The following ADGRA3 variants were observed in gnomAD, a reference collection of about 807,000 sequenced individuals.
The protein encoded by ADGRA3 is G-protein coupled receptor 125.
In ADGRA3, 56 loss-of-function variants were observed where a neutral mutation model predicts 119.8. The ratio of observed to expected loss-of-function variants is 0.47; its 90% CI spans 0.38 to 0.58. The LOEUF is 0.58. Among genes scored for constraint, ADGRA3 ranks in the 20% least tolerant of loss-of-function variants. ADGRA3 has a pLI of 0.00. For synonymous variants in ADGRA3, 607 were observed against 623.8 expected (o/e 0.97, Z 0.40); for missense variants, 1,516 against 1,649.0 (o/e 0.92, Z 1.40).
Position 22,392,708 on chromosome 4 carries a change from GAATA to G in ADGRA3, c.2482-22_2482-19del, listed in dbSNP as rs1225987708. Reference sequence around the variant, plus strand: ...ATCCCAACCTACAAGGAAGATCAAAGAATAAATAAAAGAAAAAAAATGTTCCTAC... The same window carrying G: ...ATCCCAACCTACAAGGAAGATCAAAGAATAAAAGAAAAAAAATGTTCCTAC... On this transcript the variant is annotated intron_variant, in intron 16 of 18. Transcript: ENST00000334304. 1 of 1,584,592 alleles carries G rather than the reference GAATA, an allele frequency of 6.3e-7. No homozygotes were observed. Among genetic ancestry groups the G allele is most frequent in the East Asian group, 2.3e-5 (1 of 44,302 alleles).
chr4:22,484,816 G>A (rs1342989644), intron 1 of ADGRA3, among the ~76,000 whole-genome samples: 1 of 151,938 alleles, frequency 6.6e-6, no homozygotes, highest in Non-Finnish European at 1.5e-5. Flanking sequence ...AAAGTTGTTT[G>A]GAAATAAGCA....
chr4:22,511,380 C>G (rs1719440848), intron 1 of ADGRA3, among the ~76,000 whole-genome samples: 1 of 152,056 alleles, frequency 6.6e-6, no homozygotes, highest in African/African-American at 2.4e-5. Context: ...AAAAGTCTAC[C>G]TGAGACACGG....
At chr4:22,471,918 G>A (rs1445419328) in intron 2 of ADGRA3, among the ~76,000 whole-genome samples, 1 of 152,026 alleles carries the variant, frequency 6.6e-6, no homozygotes, top group African/African-American at 2.4e-5. Flanking sequence ...GCTTTAAATG[G>A]CTGAAAATAA....
chr4:22,420,428 T>C (rs1715608485), intron 12 of ADGRA3: 1 of 165,600 alleles, frequency 6.0e-6, no homozygotes, highest in African/African-American at 2.4e-5. Context: ...AATTTTGATA[T>C]ACAGCTTGCT....
chr4:22,486,124 A>G (rs1718424607), intron 1 of ADGRA3, among the ~76,000 whole-genome samples: 2 of 152,084 alleles, frequency 1.3e-5, no homozygotes, highest in Non-Finnish European at 1.5e-5. Flanking sequence ...TTATTCCACA[A>G]CGTCCTCAAT....
intron 1 of ADGRA3, among the ~76,000 whole-genome samples, chr4:22,497,444 G>C (rs1412471502): frequency 6.6e-6 from 1 of 152,130 alleles, no homozygotes; most frequent in Non-Finnish European, 1.5e-5. Context: ...GTCTACTCAC[G>C]GAGTTGGGGT....
At position 22,461,883 on chromosome 4, in the gene ADGRA3, T is replaced by C. The variant is rs931068556; in HGVS notation, c.330-75A>G. 43 of 899,974 alleles carry C rather than the reference T, an allele frequency of 4.8e-5. No homozygotes were observed. In the African/African-American group the frequency reaches 6.3e-4, roughly 13 times the overall value. The allele number at this position is 899,974 out of a possible 1,614,324, so 55.7% of individuals were successfully genotyped here. A position where few individuals can be genotyped will look rare whatever the true frequency, so the allele number is the denominator to read the frequency against. ...ATTCAGGCACAATACACTTACCTGCTATACAAAAAAAACAAAAGTATAATA... is the reference window on the plus strand; with the variant it reads ...ATTCAGGCACAATACACTTACCTGCCATACAAAAAAAACAAAAGTATAATA... On this transcript the variant is annotated intron_variant, in intron 2 of 18. Coordinates refer to ENST00000334304, the MANE Select transcript of ADGRA3 (RefSeq NM_145290.4).
At chr4:22,414,581 T>C in intron 12 of ADGRA3, 1 of 698,410 alleles carries the variant, frequency 1.4e-6, no homozygotes, top group South Asian at 1.5e-5. Context: ...TCTCTTCTTC[T>C]AATTCCATAT....
intron 14 of ADGRA3, 147 bp downstream of exon 14, chr4:22,413,035 A>C: frequency 3.1e-6 from 2 of 636,326 alleles, no homozygotes; most frequent in Non-Finnish European, 5.5e-6. Context: ...TAGAACACAT[A>C]TCATCTCATA....
intron 4 of ADGRA3, among the ~76,000 whole-genome samples, chr4:22,453,216 AAG>A (rs1472609790): frequency 1.0e-4 from 14 of 137,266 alleles, no homozygotes; most frequent in East Asian, 6.7e-4. Context: ...AAAAAAAAAA[AAG>A]AAAGAAAAAG....
intron 11 of ADGRA3, among the ~76,000 whole-genome samples, chr4:22,421,328 G>A (rs954347678): frequency 3.3e-5 from 5 of 150,352 alleles, no homozygotes; most frequent in African/African-American, 9.7e-5. Flanking sequence ...AAAAGAAGAA[G>A]TCATGAAGTA....
At chr4:22,392,516 A>G (rs1419902444) in intron 17 of ADGRA3, 29 bp downstream of exon 17, 1 of 1,605,080 alleles carries the variant, frequency 6.2e-7, no homozygotes, top group Non-Finnish European at 8.5e-7. Context: ...AGCAAACAAA[A>G]CAATTAATAC....
chr4:22,398,946 A>T (rs1337040582), intron 16 of ADGRA3, among the ~76,000 whole-genome samples: 2 of 152,224 alleles, frequency 1.3e-5, no homozygotes, highest in Non-Finnish European at 2.9e-5. Flanking sequence ...TAACTATAGA[A>T]GGCAATGCCT....
chr4:22,453,209 A>AG (rs1431412832), intron 4 of ADGRA3, among the ~76,000 whole-genome samples: 1 of 68,578 alleles, frequency 1.5e-5, no homozygotes, highest in Non-Finnish European at 4.3e-5. Context: ...TCAAAAAAAA[A>AG]AAAAAAAAGA....
At chr4:22,407,842 G>A (rs922049342) in intron 14 of ADGRA3, among the ~76,000 whole-genome samples, 1 of 152,058 alleles carries the variant, frequency 6.6e-6, no homozygotes, top group African/African-American at 2.4e-5. Flanking sequence ...AAAATCAGTG[G>A]ACATTTTCCA....
At chr4:22,503,670 T>C (rs915376184) in intron 1 of ADGRA3, among the ~76,000 whole-genome samples, 1 of 152,046 alleles carries the variant, frequency 6.6e-6, no homozygotes, top group Non-Finnish European at 1.5e-5. Flanking sequence ...ACATTCTAGA[T>C]AGGACCAGGT....
chr4:22,464,967 A>T (rs1577364582), intron 2 of ADGRA3, among the ~76,000 whole-genome samples: 1 of 152,132 alleles, frequency 6.6e-6, no homozygotes, highest in East Asian at 1.9e-4. Flanking sequence ...GCTTCTGGGG[A>T]AATCAGCCTG....
chr4:22,415,723 T>C (rs1715399380), intron 12 of ADGRA3, among the ~76,000 whole-genome samples: 1 of 152,138 alleles, frequency 6.6e-6, no homozygotes, highest in Non-Finnish European at 1.5e-5. Context: ...ATCAAATTGA[T>C]TTAAAACAAA....
intron 2 of ADGRA3, 137 bp from the exon 3 acceptor site, chr4:22,461,945 A>C: frequency 2.0e-6 from 1 of 493,152 alleles, no homozygotes; most frequent in Non-Finnish European, 3.6e-6. Flanking sequence ...GGGTTAAGCC[A>C]AGATCAACCC....
Sources: gnomAD v4.1 joint callset for allele counts (sites outside exome capture counted in the v4.1 genomes callset) on GRCh38, gnomAD v4.1.1 for gene constraint, MANE v1.5 for transcripts, NCBI Gene and HGNC (gene_info 2026-07-23, HGNC 2026-07-21) for gene names.